DIP2C: variants seen among roughly 807,000 people sequenced by gnomAD.
DIP2C encodes DIP2 acetate--CoA ligase C (putative).
In DIP2C, 33 loss-of-function variants were observed where a neutral mutation model predicts 192.4. The observed-to-expected ratio is 0.17, with a 90% CI of 0.13 to 0.23. DIP2C has a LOEUF of 0.23. Among genes scored for constraint, DIP2C ranks in the 10% least tolerant of loss-of-function variants. DIP2C has a pLI of 1.00. For synonymous variants in DIP2C, 979 were observed against 864.1 expected (o/e 1.13, Z -2.33); for missense variants, 1,537 against 2,110.1 (o/e 0.73, Z 5.32).
At chr10:411,709 A>T (rs150913807) in intron 8 of DIP2C, among the ~76,000 whole-genome samples, 5 of 151,828 alleles carry the variant, frequency 3.3e-5, no homozygotes, top group Non-Finnish European at 5.9e-5. Flanking sequence ...ACTCAGTATT[A>T]GAACAATTCT....
At chr10:364,635 A>C in intron 19 of DIP2C, 53 bp from the exon 20 acceptor site, 2 of 1,576,540 alleles carry the variant, frequency 1.3e-6, no homozygotes, top group Non-Finnish European at 1.7e-6. Context: ...GCTGGTTTTA[A>C]TCCTCGCCGC....
chr10:495,485 C>T (rs1274708533), intron 1 of DIP2C, among the ~76,000 whole-genome samples: 2 of 152,044 alleles, frequency 1.3e-5, no homozygotes, highest in Non-Finnish European at 2.9e-5. Context: ...GAAATCCTTC[C>T]CCTCCTCCTC....
intron 36 of DIP2C, among the ~76,000 whole-genome samples, chr10:278,621 A>AT (rs1486761977): frequency 2.0e-5 from 3 of 152,362 alleles, no homozygotes; most frequent in African/African-American, 7.2e-5. Context: ...GCTGGCTGCC[A>AT]TACAGCCATG....
chr10:401,154 G>T (rs1263110963), intron 9 of DIP2C, among the ~76,000 whole-genome samples: 1 of 138,834 alleles, frequency 7.2e-6, no homozygotes. Context: ...TTTGGTATGT[G>T]TTCATCAGCA....
chr10:687,422 G>A (rs969922821), intron 1 of DIP2C, among the ~76,000 whole-genome samples: 6 of 152,160 alleles, frequency 3.9e-5, no homozygotes, highest in Admixed American at 1.3e-4. Context: ...AGCACAGGCC[G>A]GAGGGTGCAG....
At chr10:354,409 C>T (rs1344732511) in intron 24 of DIP2C, among the ~76,000 whole-genome samples, 1 of 152,194 alleles carries the variant, frequency 6.6e-6, no homozygotes, top group East Asian at 1.9e-4. Flanking sequence ...GACCATGGCA[C>T]CACCCAGCAA....
intron 29 of DIP2C, 28 bp from the exon 30 acceptor site, chr10:329,629 C>T (rs750030388): frequency 3.7e-5 from 59 of 1,602,902 alleles, no homozygotes; most frequent in East Asian, 1.6e-4. Context: ...GCTGTCAGGG[C>T]GGGAGCTCAG....
rs550709685 is a variant in DIP2C at position 388,822 on chromosome 10, C to T, written c.1598-1013G>A. Among the ~76,000 whole-genome samples, 312 of 152,364 alleles carry T rather than the reference C, an allele frequency of 2.0e-3. 1 individual carries two copies. Among genetic ancestry groups the T allele is most frequent in the Middle Eastern group, 0.014 (4 of 294 alleles). On this transcript the variant is annotated intron_variant, in intron 13 of 36. Transcript: ENST00000280886. ...CTTCGTGAAGTTCCAGAAAGAGACGCCAGGCAGGGGTGCACGCCGCAGCGG... is the reference window on the plus strand; with the variant it reads ...CTTCGTGAAGTTCCAGAAAGAGACGTCAGGCAGGGGTGCACGCCGCAGCGG...
chr10:287,800 G>T (rs962845999), intron 33 of DIP2C, among the ~76,000 whole-genome samples: 1 of 151,908 alleles, frequency 6.6e-6, no homozygotes, highest in African/African-American at 2.4e-5. Flanking sequence ...ACTACTGGTT[G>T]TCTCTTGTTA....
chr10:609,519 TAAG>T (rs1039979125), intron 1 of DIP2C, among the ~76,000 whole-genome samples: 10 of 152,226 alleles, frequency 6.6e-5, no homozygotes, highest in African/African-American at 2.4e-4. Context: ...CAAACCCACT[TAAG>T]ATTTCATAAT....
chr10:580,417 G>A (rs1850551709), intron 1 of DIP2C, among the ~76,000 whole-genome samples: 1 of 152,156 alleles, frequency 6.6e-6, no homozygotes, highest in Non-Finnish European at 1.5e-5. Flanking sequence ...TATGGTGTAT[G>A]TACACAGGTA....
rs1726253465 is a variant in DIP2C, at chr10:352,510, T to A, written c.2986-3056A>T. 2.0e-5 allele frequency among the ~76,000 whole-genome samples: 3 copies of A among 152,196 alleles called. No individual in the cohort carries two copies. The South Asian group carries it at 6.2e-4, about 32-fold the overall frequency. On this transcript the variant is annotated intron_variant, in intron 24 of 36. Coordinates refer to ENST00000280886, the MANE Select transcript of DIP2C (RefSeq NM_014974.3). ...AGCCAGCTCACAGGGTGATTTAAAT[T>A]AAGTTCTTAAAAAGCCCCTTGAGAT...
chr10:377,676 C>T lies in DIP2C; in HGVS notation c.1991+4971G>A, dbSNP rs1168700054. 3.9e-5 allele frequency among the ~76,000 whole-genome samples: 6 copies of T among 152,278 alleles called. No homozygotes were observed. The East Asian group carries it at 5.8e-4, about 15-fold the overall frequency. On this transcript the variant is annotated intron_variant, in intron 17 of 36. Coordinates refer to ENST00000280886, the MANE Select transcript of DIP2C (RefSeq NM_014974.3). ...CTCAGGGCTGTGCTGACGTTTTCTCCGCTGTCACTCATCCAGGCACCATCA... is the reference window on the plus strand; with the variant it reads ...CTCAGGGCTGTGCTGACGTTTTCTCTGCTGTCACTCATCCAGGCACCATCA...
intron 1 of DIP2C, among the ~76,000 whole-genome samples, chr10:596,319 G>A (rs552781301): frequency 1.3e-5 from 2 of 151,784 alleles, no homozygotes; most frequent in Non-Finnish European, 2.9e-5. Flanking sequence ...AGACCAGCCT[G>A]GCCAACATGG....
At chr10:460,619 T>C (rs768094266) in intron 3 of DIP2C, among the ~76,000 whole-genome samples, 2 of 152,156 alleles carry the variant, frequency 1.3e-5, no homozygotes, top group African/African-American at 4.8e-5. Flanking sequence ...TGGAACAAGT[T>C]GGAAAACACT....
At chr10:570,089 C>T (rs975205673) in intron 1 of DIP2C, among the ~76,000 whole-genome samples, 13 of 152,158 alleles carry the variant, frequency 8.5e-5, no homozygotes, top group Non-Finnish European at 1.3e-4. Context: ...GCCACTGCCA[C>T]GACCAAAGGC....
At chr10:281,053 A>G (rs1457861285) in intron 36 of DIP2C, 147 bp downstream of exon 36, 2 of 1,191,270 alleles carry the variant, frequency 1.7e-6, no homozygotes, top group African/African-American at 3.0e-5. Flanking sequence ...CTTTAACCCC[A>G]AAAGATAAAG....
At chr10:447,665 AC>A (rs1354985600) in intron 3 of DIP2C, among the ~76,000 whole-genome samples, 2 of 128,260 alleles carry the variant, frequency 1.6e-5, no homozygotes, top group African/African-American at 4.1e-5. Flanking sequence ...GGACCCAATC[AC>A]CCCCATTGAT....
chr10:548,212 C>CA (rs201803757), intron 1 of DIP2C, among the ~76,000 whole-genome samples: 9,684 of 115,654 alleles, frequency 0.084, 802 homozygotes, highest in East Asian at 0.2. Flanking sequence ...TGCCCCACCC[C>CA]CCCCCCCACA....
Sources: gnomAD v4.1 joint callset for allele counts (sites outside exome capture counted in the v4.1 genomes callset) on GRCh38, gnomAD v4.1.1 for gene constraint, MANE v1.5 for transcripts, NCBI Gene and HGNC (gene_info 2026-07-23, HGNC 2026-07-21) for gene names.